The following EPM2A variants were observed in gnomAD, a reference collection of about 807,000 sequenced individuals.
EPM2A encodes the protein EPM2A glucan phosphatase, laforin, also known as laforin.
EPM2A carries 21 observed loss-of-function variants against 26.5 expected under a neutral mutation model. The observed-to-expected ratio is 0.79, with a 90% confidence interval of 0.56 to 1.14. The LOEUF is 1.14. EPM2A is among the 50% of genes most tolerant of loss of function. EPM2A has a pLI of 0.00. For missense variants in EPM2A, 458 were observed against 440.8 expected (o/e 1.04, Z -0.35); for synonymous variants, 217 against 177.6 (o/e 1.22, Z -1.76).
At chr6:145,726,986 T>C (rs1462325911) in intron 1 of EPM2A, among the ~76,000 whole-genome samples, 1 of 152,134 alleles carries the variant, frequency 6.6e-6, no homozygotes, top group Non-Finnish European at 1.5e-5. Flanking sequence ...ATAAGAACAC[T>C]CTGTACCGTC....
intron 4 of EPM2A, among the ~76,000 whole-genome samples, chr6:145,457,902 C>A (rs1053137835): frequency 6.6e-6 from 1 of 152,178 alleles, no homozygotes; most frequent in Non-Finnish European, 1.5e-5. Context: ...AAATGTAATA[C>A]TGAGTAACAT....
intron 2 of EPM2A, among the ~76,000 whole-genome samples, chr6:145,653,445 C>A (rs141998709): frequency 6.6e-6 from 1 of 152,202 alleles, no homozygotes; most frequent in Non-Finnish European, 1.5e-5. Flanking sequence ...GTCAATTAAA[C>A]CTTTTTTCTT....
rs1421355009 is a variant in EPM2A, at chr6:145,488,518, TGTGTGA to T, written c.555+13998_555+14003del. On this transcript the variant is annotated intron_variant, in intron 4 of 4. Coordinates refer to the EPM2A transcript ENST00000638717. ...GGTTGTGTGTGTGTGTGTGTGTGTG[TGTGTGA>T]GAGAGAGAGAGAGAGAGAGAGAGAG... Among the ~76,000 whole-genome samples, 17 of 131,082 alleles carry T rather than the reference TGTGTGA, an allele frequency of 1.3e-4. No homozygotes were observed. The East Asian group carries it at 3.8e-3, about 29-fold the overall frequency. 86.0% of individuals were successfully genotyped at this position (131,082 alleles called of 152,430 possible).
chr6:145,617,297 GATT>G (rs1310994321), intron 2 of EPM2A, among the ~76,000 whole-genome samples: 1 of 152,158 alleles, frequency 6.6e-6, no homozygotes, highest in East Asian at 1.9e-4. Flanking sequence ...CTTCCAGCAT[GATT>G]ATGAGGCCTT....
intron 2 of EPM2A, among the ~76,000 whole-genome samples, chr6:145,567,126 C>T (rs2114820806): frequency 6.6e-6 from 1 of 152,310 alleles, no homozygotes; most frequent in Non-Finnish European, 1.5e-5. Context: ...GCAGTTGTTA[C>T]ACAGTATCCC....
chr6:145,558,274 A>C (rs1780757225), intron 2 of EPM2A, among the ~76,000 whole-genome samples: 1 of 152,060 alleles, frequency 6.6e-6, no homozygotes, highest in Admixed American at 6.6e-5. Flanking sequence ...CTCTAGCTTC[A>C]TGGAACTGTG....
intron 4 of EPM2A, among the ~76,000 whole-genome samples, chr6:145,392,755 A>G (rs528312546): frequency 2.0e-5 from 3 of 152,232 alleles, no homozygotes; most frequent in East Asian, 3.9e-4. Context: ...GTGGTTGTCA[A>G]TTGCTCCAGA....
intron 2 of EPM2A, among the ~76,000 whole-genome samples, chr6:145,584,314 A>G (rs1263196688): frequency 6.6e-6 from 1 of 152,068 alleles, no homozygotes; most frequent in Non-Finnish European, 1.5e-5. Context: ...AAGCACCCTG[A>G]TTGGGCATCC....
At chr6:145,485,035 A>T (rs1168462789) in intron 4 of EPM2A, among the ~76,000 whole-genome samples, 1 of 150,130 alleles carries the variant, frequency 6.7e-6, no homozygotes, top group Non-Finnish European at 1.5e-5. Context: ...TTGAGGAGTG[A>T]GGTATTGGCT....
intron 4 of EPM2A, among the ~76,000 whole-genome samples, chr6:145,476,643 A>G (rs1051871066): frequency 6.6e-6 from 1 of 152,082 alleles, no homozygotes. Context: ...AATTAATAGG[A>G]GGAATTTAGG....
chr6:145,415,697 A>G (rs1235793040), intron 4 of EPM2A, among the ~76,000 whole-genome samples: 3 of 152,162 alleles, frequency 2.0e-5, no homozygotes, highest in Non-Finnish European at 2.9e-5. Flanking sequence ...ACTGTAATGT[A>G]CATTATCTTA....
At chr6:145,557,394 C>T (rs422760) in intron 2 of EPM2A, among the ~76,000 whole-genome samples, 150,062 of 152,068 alleles carry the variant, frequency 0.99, 74,043 homozygotes, top group East Asian at 1. Context: ...CCCCTAAATC[C>T]ATAAAAATAA....
chr6:145,693,950 A>G (rs1781426477), intron 1 of EPM2A, among the ~76,000 whole-genome samples: 1 of 151,916 alleles, frequency 6.6e-6, no homozygotes. Flanking sequence ...AGAAATAAGA[A>G]ACCCTAGAAT....
intron 2 of EPM2A, among the ~76,000 whole-genome samples, chr6:145,589,184 G>T (rs138943751): frequency 4.4e-4 from 67 of 152,280 alleles, no homozygotes; most frequent in African/African-American, 1.4e-3. Flanking sequence ...TGGAATGTCT[G>T]AGCCATCTGG....
chr6:145,547,508 T>G (rs932774324), intron 2 of EPM2A, among the ~76,000 whole-genome samples: 7 of 152,128 alleles, frequency 4.6e-5, no homozygotes, highest in Non-Finnish European at 8.8e-5. Flanking sequence ...GTTTAAGCCT[T>G]TGGGTGTACA....
intron 2 of EPM2A, among the ~76,000 whole-genome samples, chr6:145,661,689 A>C (rs532556856): frequency 3.9e-5 from 6 of 152,330 alleles, no homozygotes; most frequent in Non-Finnish European, 8.8e-5. Flanking sequence ...TGAATGTTCA[A>C]ATCTATTTTC....
intron 2 of EPM2A, among the ~76,000 whole-genome samples, chr6:145,679,626 C>T (rs1225557134): frequency 6.6e-6 from 1 of 151,960 alleles, no homozygotes; most frequent in Admixed American, 6.6e-5. Flanking sequence ...AAGTCTTCTG[C>T]ACTGAGAGCT....
intron 2 of EPM2A, among the ~76,000 whole-genome samples, chr6:145,527,891 A>C (rs1258276828): frequency 1.3e-5 from 2 of 151,420 alleles, no homozygotes; most frequent in African/African-American, 4.8e-5. Flanking sequence ...TTGTGAATGC[A>C]AAAAAAAAGT....
intron 4 of EPM2A, among the ~76,000 whole-genome samples, chr6:145,451,045 C>T (rs1476615971): frequency 6.6e-6 from 1 of 152,130 alleles, no homozygotes; most frequent in Admixed American, 6.5e-5. Flanking sequence ...TCAATAAAGT[C>T]AGCCTCTCAC....
Sources: gnomAD v4.1 joint callset for allele counts (sites outside exome capture counted in the v4.1 genomes callset) on GRCh38, gnomAD v4.1.1 for gene constraint, MANE v1.5 for transcripts, NCBI Gene and HGNC (gene_info 2026-07-23, HGNC 2026-07-21) for gene names.